Variants in NR3C2 observed in about 807,000 individuals in gnomAD.
NR3C2 encodes nuclear receptor subfamily 3 group C member 2.
Under a neutral mutation model 86.4 loss-of-function variants are expected in NR3C2, and 15 were observed. The ratio of observed to expected loss-of-function variants is 0.17; its 90% CI spans 0.12 to 0.27. The LOEUF (loss-of-function observed/expected upper bound fraction) is 0.27. Among genes scored for constraint, NR3C2 ranks in the 10% least tolerant of loss-of-function variants. The pLI is 1.00. For missense variants in NR3C2, 960 were observed against 1,195.6 expected (o/e 0.80, Z 2.91); for synonymous variants, 458 against 450.5 (o/e 1.02, Z -0.21).
At chr4:148,266,101 G>T in intron 2 of NR3C2, among the ~76,000 whole-genome samples, 1 of 138,640 alleles carries the variant, frequency 7.2e-6, no homozygotes, top group African/African-American at 2.7e-5. Context: ...TGAGACAAGA[G>T]TCTCGCTCTG....
chr4:148,155,566 G>C (rs1376765214), intron 4 of NR3C2, among the ~76,000 whole-genome samples: 2 of 152,016 alleles, frequency 1.3e-5, no homozygotes, highest in African/African-American at 4.8e-5. Flanking sequence ...GGGATGTGAA[G>C]GACCTCTTCA....
At chr4:148,396,878 C>A (rs1747886230) in intron 2 of NR3C2, among the ~76,000 whole-genome samples, 1 of 152,130 alleles carries the variant, frequency 6.6e-6, no homozygotes, top group Non-Finnish European at 1.5e-5. Context: ...TCTCTCCAAT[C>A]CCTACTTCTG....
intron 4 of NR3C2, among the ~76,000 whole-genome samples, chr4:148,179,362 C>A (rs1735543922): frequency 6.6e-6 from 1 of 151,248 alleles, no homozygotes; most frequent in Non-Finnish European, 1.5e-5. Context: ...TTAAGGAAGG[C>A]TAGAATGACA....
At chr4:148,280,473 C>G (rs1361868312) in intron 2 of NR3C2, among the ~76,000 whole-genome samples, 1 of 152,040 alleles carries the variant, frequency 6.6e-6, no homozygotes, top group East Asian at 1.9e-4. Flanking sequence ...ATTGCCTTAG[C>G]ATATCAAGTA....
intron 2 of NR3C2, among the ~76,000 whole-genome samples, chr4:148,334,251 T>TA (rs1279355265): frequency 6.6e-6 from 1 of 152,182 alleles, no homozygotes; most frequent in African/African-American, 2.4e-5. Context: ...CTATAGAACT[T>TA]ACACAAATGG....
At chr4:148,309,106 C>T (rs375829035) in intron 2 of NR3C2, among the ~76,000 whole-genome samples, 44 of 151,640 alleles carry the variant, frequency 2.9e-4, no homozygotes, top group Non-Finnish European at 3.8e-4. Context: ...ATACATTATA[C>T]GTATCAAAAC....
chr4:148,177,355 A>T (rs1404327047), intron 4 of NR3C2, among the ~76,000 whole-genome samples: 2 of 152,230 alleles, frequency 1.3e-5, no homozygotes, highest in Non-Finnish European at 2.9e-5. Context: ...TGAATATCAT[A>T]CATTTACTAC....
At chr4:148,182,563 AT>A (rs1735692661) in intron 4 of NR3C2, among the ~76,000 whole-genome samples, 1 of 152,232 alleles carries the variant, frequency 6.6e-6, no homozygotes, top group South Asian at 2.1e-4. Context: ...ACCAAAACCC[AT>A]AAAACCTATC....
At chr4:148,296,205 ATT>A (rs1236214867) in intron 2 of NR3C2, among the ~76,000 whole-genome samples, 1 of 152,070 alleles carries the variant, frequency 6.6e-6, no homozygotes, top group Non-Finnish European at 1.5e-5. Context: ...TTAAAAGATT[ATT>A]TTAAGAATGA....
At chr4:148,321,285 G>C (rs1462617211) in intron 2 of NR3C2, among the ~76,000 whole-genome samples, 1 of 147,988 alleles carries the variant, frequency 6.8e-6, no homozygotes, top group East Asian at 2.1e-4. Flanking sequence ...GCTGAGGAGA[G>C]CTTTACTTCC....
intron 2 of NR3C2, among the ~76,000 whole-genome samples, chr4:148,324,932 A>G (rs1349365576): frequency 1.3e-5 from 2 of 152,214 alleles, no homozygotes; most frequent in African/African-American, 2.4e-5. Flanking sequence ...ATCTGTGACA[A>G]AAGTCAAACA....
intron 1 of NR3C2, among the ~76,000 whole-genome samples, chr4:148,437,727 C>T (rs1442118855): frequency 6.6e-5 from 10 of 152,086 alleles, no homozygotes; most frequent in African/African-American, 2.4e-4. Context: ...AGAGGAGCCC[C>T]GAAAATTTAA....
At chr4:148,161,726 A>AATGGATATTATACACCCATTGTAT (rs1734670869) in intron 4 of NR3C2, among the ~76,000 whole-genome samples, 1 of 152,178 alleles carries the variant, frequency 6.6e-6, no homozygotes, top group African/African-American at 2.4e-5. Flanking sequence ...GCAAATAACT[A>AATGGATATTATACACCCATTGTAT]ATATCCACCC....
chr4:148,179,688 T>C (rs189205033), intron 4 of NR3C2, among the ~76,000 whole-genome samples: 1 of 151,814 alleles, frequency 6.6e-6, no homozygotes, highest in East Asian at 1.9e-4. Flanking sequence ...TGAGCGCAAA[T>C]TATAATCACA....
At chr4:148,360,322 TCTG>T (rs1172580873) in intron 2 of NR3C2, among the ~76,000 whole-genome samples, 1 of 152,226 alleles carries the variant, frequency 6.6e-6, no homozygotes, top group Admixed American at 6.5e-5. Flanking sequence ...CTATGTGCTT[TCTG>T]CTTTCTTCTT....
rs749825429 is a variant in NR3C2, at chr4:148,154,830, G to A, written c.2086C>T (p.Pro696Ser). The change falls in exon 5 of 9, where the codon CCC becomes TCC. Residue 696 changes from proline (P) to serine (S), a missense_variant. By Grantham distance (74) the Pro-to-Ser change is moderately conservative (BLOSUM62 -1). Coordinates refer to ENST00000358102, the MANE Select transcript of NR3C2 (RefSeq NM_000901.5). ...GGGCTTTGCGGGGGTGGGGGTGGGG[G>A]TGGGGGCTGCTGCTGCTGTGGCTGC... ...EEQPQQQQPP[P>S]PPPPPQSPEE... is the part of the protein sequence containing the mutation. The A allele has an allele frequency of 5.8e-6, 8 of 1,368,490 alleles. No homozygotes were observed. The highest frequency in any genetic ancestry group is 6.9e-6 in the Non-Finnish European group (7 of 1,012,480). 84.8% of individuals were successfully genotyped at this position (1,368,490 alleles called of 1,614,324 possible). A position where few individuals can be genotyped will look rare whatever the true frequency, so the allele number is the denominator to read the frequency against.
intron 2 of NR3C2, among the ~76,000 whole-genome samples, chr4:148,370,322 G>T (rs372199096): frequency 1.6e-4 from 25 of 152,154 alleles, no homozygotes; most frequent in African/African-American, 6.0e-4. Context: ...TTTTTCTACA[G>T]ATAAGTATTT....
chr4:148,375,990 T>C (rs1257171060), intron 2 of NR3C2, among the ~76,000 whole-genome samples: 2 of 152,154 alleles, frequency 1.3e-5, no homozygotes, highest in African/African-American at 4.8e-5. Flanking sequence ...TAGAATGCTA[T>C]TAACAAATAT....
At chr4:148,178,118 C>A (rs72726676) in intron 4 of NR3C2, among the ~76,000 whole-genome samples, 7,441 of 152,220 alleles carry the variant, frequency 0.049, 255 homozygotes, top group Middle Eastern at 0.082. Flanking sequence ...CGGGGGAATC[C>A]CTTGAGGCCA....
Sources: allele counts gnomAD v4.1 joint callset (sites outside exome capture counted in the v4.1 genomes callset), GRCh38; gene constraint gnomAD v4.1.1; transcripts MANE v1.5; gene names NCBI Gene and HGNC (gene_info 2026-07-23, HGNC 2026-07-21).